ZNF184: variants seen among roughly 807,000 people sequenced by gnomAD.
The protein encoded by ZNF184 is zinc finger protein 184 (Kruppel-like).
In ZNF184, 16 loss-of-function variants were observed where a neutral mutation model predicts 54.4. The observed-to-expected ratio is 0.29, with a 90% CI of 0.20 to 0.45. The LOEUF (loss-of-function observed/expected upper bound fraction) is 0.45. ZNF184 is among the 20% of genes least tolerant of loss of function. ZNF184 has a pLI of 1.00. For missense variants in ZNF184, 681 were observed against 888.2 expected (o/e 0.77, Z 2.97); for synonymous variants, 254 against 295.3 (o/e 0.86, Z 1.43).
the ZNF184 span, among the ~76,000 whole-genome samples, chr6:27,422,139 TCAAA>T: frequency 6.2e-4 from 6 of 9,640 alleles, 1 homozygote; most frequent in African/African-American, 6.0e-3. Context: ...AGGCCGTACC[TCAAA>T]AAAAAAAAGA....
the ZNF184 span, among the ~76,000 whole-genome samples, chr6:27,435,308 C>A: frequency 3.9e-5 from 6 of 152,052 alleles, no homozygotes; most frequent in African/African-American, 7.2e-5. Context: ...TCATTTATGT[C>A]TTAATTTCTT....
intron 2 of ZNF184, among the ~76,000 whole-genome samples, chr6:27,471,100 T>C (rs1229950239): frequency 1.3e-5 from 2 of 152,144 alleles, no homozygotes; most frequent in Non-Finnish European, 2.9e-5. Flanking sequence ...TGCACAGCCA[T>C]ACCTAAAGAA....
intron 3 of ZNF184, among the ~76,000 whole-genome samples, chr6:27,462,322 C>T (rs922388301): frequency 9.2e-5 from 14 of 151,672 alleles, no homozygotes; most frequent in South Asian, 2.1e-4. Flanking sequence ...CTCAGCCTCC[C>T]GAGTATCTGG....
At chr6:27,439,614 A>G in the ZNF184 span, among the ~76,000 whole-genome samples, 1 of 152,226 alleles carries the variant, frequency 6.6e-6, no homozygotes, top group Non-Finnish European at 1.5e-5. Context: ...GTATCTTATC[A>G]TCTCGCATCA....
chr6:27,436,834 A>G, the ZNF184 span, among the ~76,000 whole-genome samples: 3 of 152,174 alleles, frequency 2.0e-5, no homozygotes, highest in African/African-American at 7.2e-5. Context: ...ATTTTTCTTG[A>G]CTGCCAAGAA....
chr6:27,436,880 G>C, the ZNF184 span, among the ~76,000 whole-genome samples: 3 of 152,114 alleles, frequency 2.0e-5, no homozygotes, highest in African/African-American at 7.2e-5. Flanking sequence ...GAAAAAGGAG[G>C]ACATGAAAAA....
intron 3 of ZNF184, among the ~76,000 whole-genome samples, chr6:27,461,752 G>A (rs1763000260): frequency 1.3e-5 from 2 of 152,092 alleles, no homozygotes; most frequent in South Asian, 2.1e-4. Context: ...AACCTAGGAG[G>A]AGCCCAGCAG....
chr6:27,471,334 A>G (rs1478737183), intron 2 of ZNF184, among the ~76,000 whole-genome samples: 2 of 152,242 alleles, frequency 1.3e-5, no homozygotes, highest in African/African-American at 4.8e-5. Flanking sequence ...TTGAACAGTC[A>G]TAAATGTAAG....
chr6:27,434,331 C>T, the ZNF184 span, among the ~76,000 whole-genome samples: 1 of 152,162 alleles, frequency 6.6e-6, no homozygotes, highest in Non-Finnish European at 1.5e-5. Context: ...TACTAGCTAA[C>T]ACTTGCTATT....
At chr6:27,431,235 C>T in the ZNF184 span, among the ~76,000 whole-genome samples, 2 of 152,172 alleles carry the variant, frequency 1.3e-5, no homozygotes, top group Non-Finnish European at 2.9e-5. Context: ...GATGAATCCC[C>T]TCACCTCTAT....
the ZNF184 span, among the ~76,000 whole-genome samples, chr6:27,438,363 C>G: frequency 6.6e-6 from 1 of 152,012 alleles, no homozygotes; most frequent in Non-Finnish European, 1.5e-5. Context: ...ATAAGAAAAA[C>G]TACAGGAAAA....
chr6:27,472,422 A>G lies in ZNF184; in HGVS notation c.-128T>C. The stretch of plus-strand genomic sequence containing the variant: ...CTTGCAGGGAATCTGCAACACGCTG[A>G]GGTTGTCTACCCTAAAAGACACAGG... On this transcript the variant is annotated 5_prime_UTR_variant, in exon 2 of 6. Coordinates refer to ENST00000683788, the MANE Select transcript of ZNF184 (RefSeq NM_001318891.2). The surrounding 1 kb of genome is among the most constrained non-coding windows in gnomAD (Gnocchi z 4.8). 4.1e-6 allele frequency: 5 copies of G among 1,211,330 alleles called. No individual in the cohort carries two copies. Among genetic ancestry groups the G allele is most frequent in the Non-Finnish European group, 6.0e-6 (5 of 837,616 alleles). 75.0% of individuals were successfully genotyped at this position (1,211,330 alleles called of 1,614,324 possible). A position where few individuals can be genotyped will look rare whatever the true frequency, so the allele number is the denominator to read the frequency against.
chr6:27,411,291 A>G, the ZNF184 span, among the ~76,000 whole-genome samples: 5 of 152,202 alleles, frequency 3.3e-5, no homozygotes, highest in East Asian at 7.7e-4. Context: ...TGATTTAATC[A>G]CTTCCCAAAG....
chr6:27,434,975 G>A, the ZNF184 span, among the ~76,000 whole-genome samples: 3 of 152,242 alleles, frequency 2.0e-5, no homozygotes, highest in South Asian at 4.1e-4. Context: ...CCATACCTGT[G>A]AGGGTTTATT....
At chr6:27,431,709 G>C in the ZNF184 span, among the ~76,000 whole-genome samples, 3 of 152,166 alleles carry the variant, frequency 2.0e-5, no homozygotes, top group Admixed American at 1.3e-4. Flanking sequence ...TTTCATAGTA[G>C]AGCCAGAATT....
chr6:27,439,900 G>C, the ZNF184 span, among the ~76,000 whole-genome samples: 5 of 152,222 alleles, frequency 3.3e-5, no homozygotes, highest in East Asian at 9.6e-4. Context: ...AATCTTGTAT[G>C]AAAATTTTTT....
At chr6:27,437,168 T>A in the ZNF184 span, among the ~76,000 whole-genome samples, 1 of 152,320 alleles carries the variant, frequency 6.6e-6, no homozygotes, top group Middle Eastern at 3.4e-3. Context: ...CTAGGTTACA[T>A]GGCAAAATAA....
downstream of ZNF184, among the ~76,000 whole-genome samples, chr6:27,446,974 G>A (rs1762644151): frequency 6.6e-6 from 1 of 150,662 alleles, no homozygotes; most frequent in African/African-American, 2.4e-5. Flanking sequence ...GTGAAACCCT[G>A]TCTCTACTAA....
At chr6:27,445,454 T>C in the ZNF184 span, among the ~76,000 whole-genome samples, 1 of 146,468 alleles carries the variant, frequency 6.8e-6, no homozygotes, top group African/African-American at 2.4e-5. Flanking sequence ...CCAGGGTGAT[T>C]AGGTTATTAG....
Sources: gnomAD v4.1 joint callset for allele counts (sites outside exome capture counted in the v4.1 genomes callset) on GRCh38, gnomAD v4.1.1 for gene constraint, Gnocchi (gnomAD v3.1) non-coding constraint, MANE v1.5 for transcripts, NCBI Gene and HGNC (gene_info 2026-07-23, HGNC 2026-07-21) for gene names.